CDC42BPA: variants seen among roughly 807,000 people sequenced by gnomAD.
CDC42BPA encodes the protein serine/threonine-protein kinase MRCK alpha.
In CDC42BPA, 80 loss-of-function variants were observed where a neutral mutation model predicts 223.5. The observed-to-expected ratio is 0.36, with a 90% confidence interval of 0.30 to 0.43. The LOEUF (loss-of-function observed/expected upper bound fraction) is 0.43, where lower values mean the gene tolerates loss of function less well. CDC42BPA is among the 20% of genes least tolerant of loss of function. The pLI is 1.00. For synonymous variants in CDC42BPA, 694 were observed against 718.6 expected, an observed-to-expected ratio of 0.97 and a Z score of 0.55; for missense variants, 1,743 against 2,099.9, an observed-to-expected ratio of 0.83 and a Z score of 3.32.
chr1:227,037,750 G>A (rs1670549358), intron 24 of CDC42BPA, among the ~76,000 whole-genome samples: 1 of 152,166 alleles, frequency 6.6e-6, no homozygotes, highest in Admixed American at 6.5e-5. Flanking sequence ...ATCAATATGA[G>A]AGATCTTCAG....
chr1:227,296,709 C>CAAAAA (rs755335862), intron 1 of CDC42BPA, among the ~76,000 whole-genome samples: 4 of 69,804 alleles, frequency 5.7e-5, no homozygotes, highest in African/African-American at 1.0e-4. Flanking sequence ...CTCCCCACAT[C>CAAAAA]AAAAAAAAAA....
intron 5 of CDC42BPA, among the ~76,000 whole-genome samples, chr1:227,171,641 G>A (rs1212520800): frequency 2.6e-5 from 4 of 151,708 alleles, no homozygotes; most frequent in Non-Finnish European, 4.4e-5. Flanking sequence ...CTAAAACAAC[G>A]ATTACATTGA....
chr1:227,276,168 C>T (rs1686971226), intron 1 of CDC42BPA, among the ~76,000 whole-genome samples: 1 of 151,812 alleles, frequency 6.6e-6, no homozygotes, highest in Admixed American at 6.6e-5. Flanking sequence ...AGCGTCTCTG[C>T]CCTGCCGCCC....
chr1:227,190,874 T>C (rs986454036), intron 5 of CDC42BPA, among the ~76,000 whole-genome samples: 1 of 150,994 alleles, frequency 6.6e-6, no homozygotes. Flanking sequence ...ATGGGCAGAG[T>C]GTGTGGTGGG....
intron 1 of CDC42BPA, among the ~76,000 whole-genome samples, chr1:227,291,209 T>G (rs1689635188): frequency 6.6e-6 from 1 of 152,056 alleles, no homozygotes; most frequent in African/African-American, 2.4e-5. Flanking sequence ...CAAAAAATCA[T>G]GTTGCTCCGG....
chr1:226,998,584 C>G (rs1379100589), intron 35 of CDC42BPA, among the ~76,000 whole-genome samples: 1 of 152,186 alleles, frequency 6.6e-6, no homozygotes, highest in East Asian at 1.9e-4. Context: ...GGAAAACTGG[C>G]TAGCCATATG....
chr1:227,235,108 T>C (rs564332338), intron 2 of CDC42BPA: 1 of 152,224 alleles, frequency 6.6e-6, no homozygotes, highest in Non-Finnish European at 1.5e-5. Context: ...TCTCTGTGTA[T>C]GCTGATTTCC....
chr1:227,011,097 A>G (rs1450670118), intron 34 of CDC42BPA: 7 of 1,215,014 alleles, frequency 5.8e-6, no homozygotes, highest in Non-Finnish European at 7.6e-6. Context: ...AAAAAAGGCA[A>G]TAAGGTGATG....
intron 21 of CDC42BPA, chr1:227,068,417 A>C (rs1049790670): frequency 1.2e-5 from 2 of 160,052 alleles, no homozygotes; most frequent in African/African-American, 4.8e-5. Context: ...ACAAAGACTG[A>C]AAATACTGGG....
At chr1:227,272,417 GTACTGAAGTTTTAT>G (rs1686109060) in intron 1 of CDC42BPA, among the ~76,000 whole-genome samples, 1 of 152,022 alleles carries the variant, frequency 6.6e-6, no homozygotes, top group South Asian at 2.1e-4. Flanking sequence ...GTTTTATTAT[GTACTGAAGTTTTAT>G]TTTTAAAAAT....
At chr1:227,248,631 T>G (rs1472268973) in intron 2 of CDC42BPA, among the ~76,000 whole-genome samples, 1 of 152,154 alleles carries the variant, frequency 6.6e-6, no homozygotes, top group Non-Finnish European at 1.5e-5. Flanking sequence ...AATAAAATGC[T>G]ATTATTTATT....
At chr1:227,273,809 G>C (rs4653813) in intron 1 of CDC42BPA, among the ~76,000 whole-genome samples, 92,757 of 147,562 alleles carry the variant, frequency 0.63, 29,353 homozygotes, top group East Asian at 0.74. Flanking sequence ...TCAAAGTTCC[G>C]TAGGAATTCT....
chr1:227,221,146 T>C (rs1460525304), intron 2 of CDC42BPA, among the ~76,000 whole-genome samples: 3 of 152,240 alleles, frequency 2.0e-5, no homozygotes, highest in African/African-American at 7.2e-5. Flanking sequence ...TCATCTGCTT[T>C]ACCCTTTCTT....
At chr1:227,189,640 T>C (rs1321923729) in intron 5 of CDC42BPA, among the ~76,000 whole-genome samples, 2 of 152,330 alleles carry the variant, frequency 1.3e-5, no homozygotes, top group East Asian at 1.9e-4. Flanking sequence ...TCAATGTTAT[T>C]AGAAAATATT....
At chr1:227,143,790 C>T (rs149404182) in intron 8 of CDC42BPA, among the ~76,000 whole-genome samples, 43 of 152,298 alleles carry the variant, frequency 2.8e-4, no homozygotes, top group Admixed American at 1.2e-3. Context: ...TGATCAGAGG[C>T]TCACAGAAAC....
At chr1:227,271,995 G>C (rs1446566488) in intron 1 of CDC42BPA, among the ~76,000 whole-genome samples, 3 of 152,094 alleles carry the variant, frequency 2.0e-5, no homozygotes, top group Non-Finnish European at 2.9e-5. Flanking sequence ...TTTCTATCCA[G>C]CTGGTAAGAA....
Position 227,028,831 on chromosome 1 carries a change from T to C in CDC42BPA, c.4258A>G (p.Asn1420Asp), listed in dbSNP as rs2148641854. Residue 1420 changes from asparagine (N) to aspartate (D), a missense_variant, in exon 30 of 37, where the codon AAT (asparagine) becomes GAT (aspartate). By Grantham distance (23) the Asn-to-Asp change is conservative. Transcript: ENST00000366766. ...GCAATAAATGATAGTGTATGGTCAT[T>C]TGAATGGAGCATACTGTATGGATTT... Reference protein sequence around the residue: ...EGNPYSMLHSNDHTLSFIAHQ... With the variant: ...EGNPYSMLHSDDHTLSFIAHQ... 6.2e-7 allele frequency: 1 copy of C among 1,614,092 alleles called. No individual in the cohort carries two copies. Among genetic ancestry groups the C allele is most frequent in the South Asian group, 1.1e-5 (1 of 91,064 alleles).
intron 34 of CDC42BPA, among the ~76,000 whole-genome samples, chr1:227,008,336 A>G (rs1204554748): frequency 6.6e-6 from 1 of 152,202 alleles, no homozygotes; most frequent in Non-Finnish European, 1.5e-5. Context: ...CATTTTATGC[A>G]AACACTTAAA....
chr1:227,033,855 A>T (rs1255394204), intron 26 of CDC42BPA, among the ~76,000 whole-genome samples: 1 of 152,216 alleles, frequency 6.6e-6, no homozygotes, highest in Non-Finnish European at 1.5e-5. Flanking sequence ...TGTTGTTGGT[A>T]CCATGACTCC....
Sources: gnomAD v4.1 joint callset for allele counts (sites outside exome capture counted in the v4.1 genomes callset) on GRCh38, gnomAD v4.1.1 for gene constraint, MANE v1.5 for transcripts, NCBI Gene and HGNC (gene_info 2026-07-23, HGNC 2026-07-21) for gene names.